Variants in MAN1A1 observed in about 807,000 individuals in gnomAD.
MAN1A1 encodes mannosidase alpha class 1A member 1.
MAN1A1 carries 29 observed loss-of-function variants against 70.8 expected under a neutral mutation model. That is an observed-to-expected ratio of 0.41 (90% CI 0.31 to 0.56). MAN1A1 has a LOEUF of 0.56. Among genes scored for constraint, MAN1A1 ranks in the 20% least tolerant of loss-of-function variants. MAN1A1 has a pLI of 0.29. For missense variants in MAN1A1, 747 were observed against 841.3 expected, an observed-to-expected ratio of 0.89 and a Z score of 1.39; for synonymous variants, 349 against 330.1, an observed-to-expected ratio of 1.06 and a Z score of -0.62.
At chr6:119,270,130 A>G (rs758852535) in intron 5 of MAN1A1, among the ~76,000 whole-genome samples, 3 of 152,048 alleles carry the variant, frequency 2.0e-5, no homozygotes, top group African/African-American at 7.2e-5. Context: ...ACCTGGTTTG[A>G]TATTTCAGAC....
intron 6 of MAN1A1, among the ~76,000 whole-genome samples, chr6:119,214,587 T>C (rs1009969485): frequency 2.6e-5 from 4 of 152,288 alleles, no homozygotes; most frequent in Middle Eastern, 6.8e-3. Flanking sequence ...TGGCATGATC[T>C]CAGCTCACTG....
chr6:119,257,483 TAAGAG>T (rs1264321270), intron 5 of MAN1A1, among the ~76,000 whole-genome samples: 1 of 152,040 alleles, frequency 6.6e-6, no homozygotes, highest in Non-Finnish European at 1.5e-5. Context: ...TTTCTGAGTG[TAAGAG>T]GCAAACATAT....
At chr6:119,198,384 C>T (rs1274539577) in intron 8 of MAN1A1, among the ~76,000 whole-genome samples, 1 of 138,260 alleles carries the variant, frequency 7.2e-6, no homozygotes, top group Non-Finnish European at 1.7e-5. Context: ...AGCGAGACTC[C>T]CATCTCAAAC....
intron 6 of MAN1A1, among the ~76,000 whole-genome samples, chr6:119,238,930 G>A (rs144677533): frequency 0.03 from 4,577 of 151,598 alleles, 99 homozygotes; most frequent in Middle Eastern, 0.052. Context: ...TTGTTCTGTC[G>A]CCCAGGCTGG....
At chr6:119,259,699 C>A (rs977913640) in intron 5 of MAN1A1, among the ~76,000 whole-genome samples, 1 of 152,076 alleles carries the variant, frequency 6.6e-6, no homozygotes, top group Non-Finnish European at 1.5e-5. Flanking sequence ...GAAAATTTGG[C>A]ATCAATGCAA....
At chr6:119,208,983 T>C (rs1582697971) in intron 6 of MAN1A1, among the ~76,000 whole-genome samples, 2 of 150,482 alleles carry the variant, frequency 1.3e-5, no homozygotes, top group Admixed American at 6.7e-5. Flanking sequence ...TAGTCCCAGC[T>C]ACCTGGGAAG....
upstream of MAN1A1, among the ~76,000 whole-genome samples, chr6:119,350,128 G>C (rs954804207): frequency 3.3e-5 from 5 of 152,152 alleles, no homozygotes; most frequent in African/African-American, 4.8e-5. Context: ...CCCGGGAGGC[G>C]CCTGGGTCCG....
intron 5 of MAN1A1, among the ~76,000 whole-genome samples, chr6:119,257,945 A>C (rs1775505754): frequency 3.3e-5 from 5 of 152,206 alleles, no homozygotes; most frequent in Non-Finnish European, 7.4e-5. Context: ...TGACATTTAG[A>C]AAAATATGCA....
chr6:119,233,522 C>T (rs1774747164), intron 6 of MAN1A1, among the ~76,000 whole-genome samples: 1 of 152,164 alleles, frequency 6.6e-6, no homozygotes, highest in Admixed American at 6.5e-5. Context: ...AGAAACTGGT[C>T]TGGGCTTAAA....
intron 6 of MAN1A1, among the ~76,000 whole-genome samples, chr6:119,243,481 A>C (rs1373576646): frequency 7.9e-5 from 12 of 152,112 alleles, no homozygotes; most frequent in African/African-American, 2.9e-4. Flanking sequence ...CATCTTTCAT[A>C]GTTTGTGTTT....
At chr6:119,241,171 G>T (rs761378865) in intron 6 of MAN1A1, among the ~76,000 whole-genome samples, 6 of 152,050 alleles carry the variant, frequency 3.9e-5, no homozygotes, top group Non-Finnish European at 8.8e-5. Context: ...AGTACAAGGG[G>T]AAAAAGGACA....
At chr6:119,275,852 T>C (rs191550553) in intron 5 of MAN1A1, among the ~76,000 whole-genome samples, 2 of 152,348 alleles carry the variant, frequency 1.3e-5, no homozygotes, top group Admixed American at 1.3e-4. Flanking sequence ...GGGAATAATA[T>C]GTGGACACGG....
intron 4 of MAN1A1, among the ~76,000 whole-genome samples, chr6:119,294,319 T>C (rs1772137165): frequency 6.6e-6 from 1 of 152,046 alleles, no homozygotes. Flanking sequence ...TTCTTATTAA[T>C]AGTCATAATG....
At chr6:119,302,141 C>T in intron 3 of MAN1A1, 38 bp from the exon 4 acceptor site, 2 of 1,027,342 alleles carry the variant, frequency 1.9e-6, no homozygotes, top group Non-Finnish European at 3.0e-6. Context: ...AAATACTTTG[C>T]CTAGATAAAA....
chr6:119,191,169 T>G (rs753123200), intron 9 of MAN1A1, among the ~76,000 whole-genome samples: 177 of 152,226 alleles, frequency 1.2e-3, no homozygotes, highest in Non-Finnish European at 8.5e-4. Context: ...ATGGTTTAGT[T>G]ATTACATTAA....
chr6:119,234,663 C>T (rs1352815273), intron 6 of MAN1A1, among the ~76,000 whole-genome samples: 1 of 152,150 alleles, frequency 6.6e-6, no homozygotes, highest in Non-Finnish European at 1.5e-5. Flanking sequence ...AATCCTTTTG[C>T]CTCGGCCTCC....
chr6:119,280,200 G>A (rs1776193562), intron 5 of MAN1A1, among the ~76,000 whole-genome samples: 1 of 152,122 alleles, frequency 6.6e-6, no homozygotes, highest in Non-Finnish European at 1.5e-5. Flanking sequence ...TGACTCATGG[G>A]TTCAGGCCTA....
rs17081029 is a variant in MAN1A1 at position 119,322,955 on chromosome 6, T to C, written c.604-15963A>G. Among the ~76,000 whole-genome samples, 893 of 152,308 alleles carry C rather than the reference T, an allele frequency of 5.9e-3. 30 individuals carry two copies. The East Asian group carries it at 0.09, about 15-fold the overall frequency. ...TGACAGAAGACGTTCTCTGTTCTAA[T>C]ACCCTGACATCACAGGACACTGGCT... is the stretch of plus-strand genomic sequence containing the variant. On this transcript the variant is annotated intron_variant, in intron 2 of 12. Transcript: ENST00000368468.
upstream of MAN1A1, chr6:119,350,410 C>G (rs1211815241): frequency 2.9e-6 from 1 of 340,544 alleles, no homozygotes; most frequent in Admixed American, 6.5e-5. Flanking sequence ...CTAAGAGACA[C>G]AGTTCTGTGC....
Sources: gnomAD v4.1 joint callset for allele counts (sites outside exome capture counted in the v4.1 genomes callset) on GRCh38, gnomAD v4.1.1 for gene constraint, MANE v1.5 for transcripts, NCBI Gene and HGNC (gene_info 2026-07-23, HGNC 2026-07-21) for gene names.